The following PNKP variants were observed in gnomAD, a reference collection of about 807,000 sequenced individuals.
PNKP encodes bifunctional polynucleotide phosphatase/kinase.
Under a neutral mutation model 66.2 loss-of-function variants are expected in PNKP, and 82 were observed. The ratio of observed to expected loss-of-function variants is 1.24; its 90% CI spans 1.04 to 1.49. The LOEUF (loss-of-function observed/expected upper bound fraction) is 1.49. Ranked by LOEUF, PNKP falls within the 40% of genes most tolerant of loss-of-function variation. PNKP has a pLI of 0.00. For synonymous variants in PNKP, 412 were observed against 298.9 expected (o/e 1.38, Z -3.90); for missense variants, 907 against 706.8 (o/e 1.28, Z -3.21).
chr19:49,864,779 G>A (rs1420913616), intron 4 of PNKP, among the ~76,000 whole-genome samples: 1 of 152,206 alleles, frequency 6.6e-6, no homozygotes, highest in Non-Finnish European at 1.5e-5. Flanking sequence ...TATGCCACGT[G>A]CTTTTTTTAT....
At chr19:49,863,379 C>T (rs759071425) in intron 8 of PNKP, among the ~76,000 whole-genome samples, 13 of 152,232 alleles carry the variant, frequency 8.5e-5, no homozygotes, top group Non-Finnish European at 1.6e-4. Flanking sequence ...CCGCCCTCGC[C>T]GTGAGGGCCC....
At position 49,861,674 on chromosome 19, in the gene PNKP, G is replaced by C. The variant is rs565533397; in HGVS notation, c.1320C>G (p.Ala440=). The C allele has an allele frequency of 1.1e-5, 17 of 1,547,650 alleles. No homozygotes were observed. In the African/African-American group the frequency reaches 2.1e-4, roughly 19 times the overall value. The stretch of plus-strand genomic sequence containing the variant: ...GGAAGCAGCGGCAGGGGACGCCCGC[G>C]GCTCGGGCACACTGGACGTACCTGT... ...SRARYVQCAR[A]AGVPCRCFLF... is the part of the protein sequence containing the mutation. The change falls in exon 15 of 17, where the codon GCC becomes GCG. Residue 440 remains alanine, a synonymous_variant. Coordinates refer to ENST00000322344, the MANE Select transcript of PNKP (RefSeq NM_007254.4).
rs1398166690 is a variant in PNKP at position 49,861,641 on chromosome 19, G to A, written c.1353C>T (p.Thr451=). Residue 451 remains threonine, a synonymous_variant, in exon 15 of 17, where the codon ACC becomes ACT. Coordinates refer to ENST00000322344, the MANE Select transcript of PNKP (RefSeq NM_007254.4). ...TGTGGCGCGCCTGCTCCAGAGTGGC[G>A]GTGAAGAGGAAGCAGCGGCAGGGGA... is the stretch of plus-strand genomic sequence containing the variant. ...AGVPCRCFLF[T]ATLEQARHNN... 1.9e-6 allele frequency: 3 copies of A among 1,552,500 alleles called. No individual in the cohort carries two copies. Among genetic ancestry groups the A allele is most frequent in the Admixed American group, 1.9e-5 (1 of 51,358 alleles).
rs753093330 is a variant in PNKP, at chr19:49,864,420, A to AAC, written c.499-18_499-17insGT. ...GCCAGCCACCTGGTGTCACCAAGGA[A>AAC]AGACAAACAGCAGCACTGTGATACC... On this transcript the variant is annotated splice_polypyrimidine_tract_variant and intron_variant, in intron 4 of 16. Transcript: ENST00000322344. 9 of 1,595,824 alleles carry AAC rather than the reference A, an allele frequency of 5.6e-6. No individual in the cohort carries two copies. The South Asian group carries it at 9.9e-5, about 18-fold the overall frequency.
In PNKP at chr19:49,865,695, C is replaced by G. The variant is rs903802738; in HGVS notation, c.199-269G>C. Reference sequence around the variant, plus strand: ...GTGGTGCAATCTTGGCTCATTGAAACCTGTGCCTCCTGGGTTCAAACGATT... The same window carrying G: ...GTGGTGCAATCTTGGCTCATTGAAAGCTGTGCCTCCTGGGTTCAAACGATT... On this transcript the variant is annotated intron_variant, in intron 3 of 16. Transcript: ENST00000322344. Among the ~76,000 whole-genome samples the G allele has an allele frequency of 1.4e-4, 20 of 147,434 alleles. 1 individual carries two copies. The highest frequency in any genetic ancestry group is 4.8e-4 in the African/African-American group (19 of 39,574).
intron 3 of PNKP, chr19:49,865,964 G>A (rs917128856): frequency 3.5e-6 from 1 of 289,148 alleles, no homozygotes; most frequent in Non-Finnish European, 6.7e-6. Context: ...ACTGAAACAG[G>A]CAACACTTCT....
Position 49,861,785 on chromosome 19 carries a change from CGGCGT to C in PNKP, c.1280_1284del (p.Asp427GlyfsTer65). On this transcript the variant is annotated frameshift_variant, in exon 14 of 17. Coordinates refer to ENST00000322344, the MANE Select transcript of PNKP (RefSeq NM_007254.4). LOFTEE classifies it high-confidence loss of function. The stretch of plus-strand genomic sequence containing the variant: ...CGGTCACGCTACCTGGCGCGGCTCG[CGGCGT>C]CTGGGTTTGTGTTGTCGATGGCGAC... 1 of 1,566,094 alleles carries C rather than the reference CGGCGT, an allele frequency of 6.4e-7. No homozygotes were observed. Among genetic ancestry groups the C allele is most frequent in the Non-Finnish European group, 8.6e-7 (1 of 1,158,520 alleles).
chr19:49,864,440 G>A lies in PNKP; in HGVS notation c.499-37C>T, dbSNP rs751065721. 2.1e-5 allele frequency: 32 copies of A among 1,493,694 alleles called. 1 individual carries two copies. Among genetic ancestry groups the A allele is most frequent in the Non-Finnish European group, 3.0e-5 (32 of 1,071,938 alleles). The allele number at this position is 1,493,694 out of a possible 1,614,324, so 92.5% of individuals were successfully genotyped here. A position where few individuals can be genotyped will look rare whatever the true frequency, so the allele number is the denominator to read the frequency against. The stretch of plus-strand genomic sequence containing the variant: ...AAGGAAAGACAAACAGCAGCACTGT[G>A]ATACCTCTGACCCTCCTCACTCACA... On this transcript the variant is annotated intron_variant, in intron 4 of 16. Coordinates refer to ENST00000322344, the MANE Select transcript of PNKP (RefSeq NM_007254.4).
rs1046624449 is a variant in PNKP at position 49,867,127 on chromosome 19, C to A, written c.78G>T (p.Ser26=). Residue 26 remains serine, a synonymous_variant, in exon 2 of 17, where the codon TCG becomes TCT. Coordinates refer to ENST00000322344, the MANE Select transcript of PNKP (RefSeq NM_007254.4). Reference sequence around the variant, plus strand: ...TGCCCAGGACCAGGGCTTGCCCGTCCGAGGGCAGGAAGATGGGGGGCGCTC... The same window carrying A: ...TGCCCAGGACCAGGGCTTGCCCGTCAGAGGGCAGGAAGATGGGGGGCGCTC... The part of the protein sequence containing the change: ...PGGAPPIFLP[S]DGQALVLGRG... 6.2e-7 allele frequency: 1 copy of A among 1,613,180 alleles called. No homozygotes were observed.
chr19:49,863,742 C>A lies in PNKP; in HGVS notation c.763G>T (p.Ala255Ser). The A allele has an allele frequency of 1.9e-6, 3 of 1,559,744 alleles. No individual in the cohort carries two copies. Among genetic ancestry groups the A allele is most frequent in the Non-Finnish European group, 1.7e-6 (2 of 1,151,158 alleles). The change falls in exon 8 of 17, where the codon GCA (alanine) becomes TCA (serine). Residue 255 changes from alanine to serine, a missense_variant. Physicochemically the swap from Ala to Ser is moderately conservative, Grantham distance 99. Coordinates refer to ENST00000322344, the MANE Select transcript of PNKP (RefSeq NM_007254.4). ...VPFQVLVATH[A>S]GLYRKPVTGM... ...GTCACCGGCTTCCGGTACAAGCCTG[C>A]GTGCGTGGCCACCAGCACCTGTGGA...
At chr19:49,866,682 C>CA in intron 2 of PNKP, 1 of 626,436 alleles carries the variant, frequency 1.6e-6, no homozygotes, top group South Asian at 1.8e-5. Context: ...TCCTCCTTGA[C>CA]AAAAAATGTG....
At chr19:49,862,656 C>G (rs747820854) in intron 9 of PNKP, 34 bp downstream of exon 9, 1 of 1,613,856 alleles carries the variant, frequency 6.2e-7, no homozygotes, top group Non-Finnish European at 8.5e-7. Flanking sequence ...AGGGAGGCGT[C>G]CCAGCCCACC....
At position 49,862,551 on chromosome 19, in the gene PNKP, C is replaced by T. The variant is rs775097059; in HGVS notation, c.923G>A (p.Cys308Tyr). The T allele has an allele frequency of 3.1e-6, 5 of 1,611,494 alleles. No homozygotes were observed. In the Admixed American group the frequency reaches 5.0e-5, roughly 16 times the overall value. The change falls in exon 10 of 17, where the codon TGC becomes TAC. Residue 308 changes from cysteine to tyrosine, a missense_variant. Transcript: ENST00000322344. ...CAGGGGCCTCACCAGGCGATCGGCG[C>T]AGGAGAAGTCTTTCTTCTTCCGCCC... ...APGRKKKDFS[C>Y]ADRLFALNLG...
At chr19:49,866,869 T>C (rs2074824271) in intron 2 of PNKP, 185 bp downstream of exon 2, 1 of 671,250 alleles carries the variant, frequency 1.5e-6, no homozygotes, top group Non-Finnish European at 2.7e-6. Context: ...CGATCCCCTC[T>C]CCCCCAAAGG....
In PNKP at chr19:49,865,299, G is replaced by T. The variant is rs1228660292; in HGVS notation, c.326C>A (p.Thr109Asn). ...LHPLTLRWEETRTPESQPDTP... is the reference protein window; with the variant it reads ...LHPLTLRWEENRTPESQPDTP... ...ATCTGGCTGGGATTCTGGTGTGCGG[G>T]TCTCTTCCCAGCGCAGGGTCAGTGG... is the stretch of plus-strand genomic sequence containing the variant. The change falls in exon 4 of 17, where the codon ACC becomes AAC. Residue 109 changes from threonine (T) to asparagine (N), a missense_variant. By Grantham distance (65) the Thr-to-Asn change is moderately conservative. Transcript: ENST00000322344. 2 of 1,614,216 alleles carry T rather than the reference G, an allele frequency of 1.2e-6. No homozygotes were observed. Among genetic ancestry groups the T allele is most frequent in the Admixed American group, 3.3e-5 (2 of 60,022 alleles).
At position 49,867,162 on chromosome 19, in the gene PNKP, G is replaced by C; in HGVS notation, c.43C>G (p.Pro15Ala). The C allele has an allele frequency of 6.2e-7, 1 of 1,611,288 alleles. No individual in the cohort carries two copies. Among genetic ancestry groups the C allele is most frequent in the Non-Finnish European group, 8.5e-7 (1 of 1,179,374 alleles). ...EAPGRLWLESPPGGAPPIFLP... is the reference protein window; with the variant it reads ...EAPGRLWLESAPGGAPPIFLP... The stretch of plus-strand genomic sequence containing the variant: ...AAGATGGGGGGCGCTCCCCCAGGGG[G>C]GCTCTCGAGCCACAAGCGGCCCGGG... Residue 15 changes from proline (P) to alanine (A), a missense_variant, in exon 2 of 17, where the codon CCC becomes GCC. By Grantham distance (27) the Pro-to-Ala change is conservative. Transcript: ENST00000322344.
At position 49,861,673 on chromosome 19, in the gene PNKP, C is replaced by T. The variant is rs1351594110; in HGVS notation, c.1321G>A (p.Ala441Thr). ...AGGAAGCAGCGGCAGGGGACGCCCG[C>T]GGCTCGGGCACACTGGACGTACCTG... is the stretch of plus-strand genomic sequence containing the variant. ...RARYVQCARA[A>T]GVPCRCFLFT... Residue 441 changes from alanine to threonine, a missense_variant, in exon 15 of 17, where the codon GCG becomes ACG. Physicochemically the swap from Ala to Thr is moderately conservative, Grantham distance 58. Transcript: ENST00000322344. 9.7e-6 allele frequency: 15 copies of T among 1,547,624 alleles called. No homozygotes were observed. The East Asian group carries it at 2.2e-4, about 23-fold the overall frequency.
chr19:49,863,028 C>G (rs1008720351), intron 8 of PNKP, among the ~76,000 whole-genome samples: 3 of 152,146 alleles, frequency 2.0e-5, no homozygotes, highest in Non-Finnish European at 2.9e-5. Flanking sequence ...GGCGTGCCGG[C>G]GCCTCCCAGG....
rs755967508 is a variant in PNKP, at chr19:49,862,543, G to C, written c.931C>G (p.Arg311Gly). ...RKKKDFSCAD[R>G]LFALNLGLPF... ...GCAGGGGGCAGGGGCCTCACCAGGC[G>C]ATCGGCGCAGGAGAAGTCTTTCTTC... Residue 311 changes from arginine (R) to glycine (G), a missense_variant, in exon 10 of 17, where the codon CGC (arginine) becomes GGC (glycine). Physicochemically the swap from Arg to Gly is moderately radical, Grantham distance 125 (BLOSUM62 -2). Coordinates refer to ENST00000322344, the MANE Select transcript of PNKP (RefSeq NM_007254.4). 3.7e-6 allele frequency: 6 copies of C among 1,609,812 alleles called. No homozygotes were observed. Among genetic ancestry groups the C allele is most frequent in the Non-Finnish European group, 5.1e-6 (6 of 1,178,048 alleles).
Sources: gnomAD v4.1 joint callset for allele counts (sites outside exome capture counted in the v4.1 genomes callset) on GRCh38, gnomAD v4.1.1 for gene constraint, MANE v1.5 for transcripts, NCBI Gene and HGNC (gene_info 2026-07-23, HGNC 2026-07-21) for gene names.